Variants in ZMYND8 observed in about 807,000 individuals in gnomAD.
ZMYND8 encodes MYND-type zinc finger-containing chromatin reader ZMYND8.
Under a neutral mutation model 140.8 loss-of-function variants are expected in ZMYND8, and 37 were observed. The observed-to-expected ratio is 0.26, with a 90% CI of 0.20 to 0.35. ZMYND8 has a LOEUF of 0.35. Among genes scored for constraint, ZMYND8 ranks in the 10% least tolerant of loss-of-function variants. The pLI, the probability that ZMYND8 is intolerant of heterozygous loss-of-function variation, is 1.00. For missense variants in ZMYND8, 1,068 were observed against 1,570.0 expected, an observed-to-expected ratio of 0.68 and a Z score of 5.40; for synonymous variants, 592 against 597.1, an observed-to-expected ratio of 0.99 and a Z score of 0.12.
At chr20:47,318,423 C>T (rs1344981993) in intron 2 of ZMYND8, 5 of 333,624 alleles carry the variant, frequency 1.5e-5, no homozygotes, top group East Asian at 8.2e-5. Context: ...GGCCTCCCTT[C>T]CCCAGGAATA....
At chr20:47,269,564 T>C (rs1286053825) in intron 11 of ZMYND8, among the ~76,000 whole-genome samples, 1 of 152,256 alleles carries the variant, frequency 6.6e-6, no homozygotes, top group African/African-American at 2.4e-5. Context: ...GATTTCATAT[T>C]TTGATGTACA....
chr20:47,336,009 A>G (rs2081361536), intron 2 of ZMYND8, among the ~76,000 whole-genome samples: 1 of 152,204 alleles, frequency 6.6e-6, no homozygotes, highest in Non-Finnish European at 1.5e-5. Flanking sequence ...ATACGGTTAA[A>G]AATACTGATG....
chr20:47,284,984 T>C (rs2076831746), intron 8 of ZMYND8, among the ~76,000 whole-genome samples: 1 of 152,114 alleles, frequency 6.6e-6, no homozygotes, highest in African/African-American at 2.4e-5. Flanking sequence ...AGTGACAGAG[T>C]AATCAATATT....
chr20:47,326,464 T>A (rs1277645439), intron 2 of ZMYND8, among the ~76,000 whole-genome samples: 1 of 152,034 alleles, frequency 6.6e-6, no homozygotes, highest in African/African-American at 2.4e-5. Flanking sequence ...AAAATAAAAA[T>A]AAAAGAGGCA....
At chr20:47,251,722 A>C (rs941380778) in intron 12 of ZMYND8, among the ~76,000 whole-genome samples, 2 of 152,152 alleles carry the variant, frequency 1.3e-5, no homozygotes, top group Non-Finnish European at 2.9e-5. Context: ...GGGAACACTA[A>C]AAGAAAAGGG....
At position 47,293,045 on chromosome 20, in the gene ZMYND8, A is replaced by C. The variant is rs972266199; in HGVS notation, c.568-1157T>G. 2.8e-5 allele frequency among the ~76,000 whole-genome samples: 4 copies of C among 142,728 alleles called. No homozygotes were observed. The East Asian group carries it at 7.0e-4, about 25-fold the overall frequency. The allele number at this position is 142,728 out of a possible 152,430, so 93.6% of individuals were successfully genotyped here. A position where few individuals can be genotyped will look rare whatever the true frequency, so the allele number is the denominator to read the frequency against. On this transcript the variant is annotated intron_variant, in intron 5 of 22. Transcript: ENST00000471951. ...GCTCCAGCCTGGGCAACAAAGCAAC[A>C]GTCTGCCTCCAAAAAAAGAAAGGAA...
chr20:47,224,170 T>C (rs2037378645), intron 19 of ZMYND8, 147 bp downstream of exon 19: 1 of 1,345,140 alleles, frequency 7.4e-7, no homozygotes, highest in African/African-American at 1.5e-5. Context: ...CTCACCTGTG[T>C]GTAAGACACA....
intron 21 of ZMYND8, among the ~76,000 whole-genome samples, chr20:47,218,823 C>T (rs1568887278): frequency 6.6e-6 from 1 of 152,162 alleles, no homozygotes; most frequent in African/African-American, 2.4e-5. Flanking sequence ...ATCCAACTTT[C>T]AAGGCCTAGC....
In ZMYND8 at chr20:47,355,886, A is replaced by G. The variant is rs372233876; in HGVS notation, c.14+771T>C. On this transcript the variant is annotated intron_variant, in intron 1 of 22. Coordinates refer to ENST00000471951, the MANE Select transcript of ZMYND8 (RefSeq NM_001281775.3). ...CTCCAAAAAACTTCCTCCAAAGCCTAGAAAACACTTTCAGAAACATTTGCT... is the reference window on the plus strand; with the variant it reads ...CTCCAAAAAACTTCCTCCAAAGCCTGGAAAACACTTTCAGAAACATTTGCT... Among the ~76,000 whole-genome samples, 5 of 147,764 alleles carry G rather than the reference A, an allele frequency of 3.4e-5. No homozygotes were observed. In the South Asian group the frequency reaches 1.1e-3, roughly 31 times the overall value.
chr20:47,222,556 GA>G (rs1239880523), intron 19 of ZMYND8, among the ~76,000 whole-genome samples: 1 of 151,880 alleles, frequency 6.6e-6, no homozygotes, highest in East Asian at 1.9e-4. Flanking sequence ...AAAAGGAAAA[GA>G]AAAACGCGTC....
chr20:47,355,407 C>T, intron 1 of ZMYND8: 5 of 982,246 alleles, frequency 5.1e-6, no homozygotes, highest in South Asian at 9.4e-5. Context: ...GTTCGCAAAA[C>T]TCTTCAAACA....
chr20:47,249,257 TG>T, intron 13 of ZMYND8, 29 bp downstream of exon 13: 1 of 1,603,046 alleles, frequency 6.2e-7, no homozygotes, highest in Non-Finnish European at 8.5e-7. Context: ...ATGATACTGC[TG>T]GAAAAAAAAA....
chr20:47,211,867 G>A (rs560534669), intron 22 of ZMYND8, among the ~76,000 whole-genome samples: 3 of 151,964 alleles, frequency 2.0e-5, no homozygotes, highest in Admixed American at 2.0e-4. Flanking sequence ...CTGGTAAAAA[G>A]GCATGTGTGG....
At chr20:47,324,151 G>A (rs2080199491) in intron 2 of ZMYND8, among the ~76,000 whole-genome samples, 1 of 146,090 alleles carries the variant, frequency 6.8e-6, no homozygotes, top group Admixed American at 7.0e-5. Flanking sequence ...GCCATAAGCC[G>A]AGATCATGCC....
At chr20:47,323,690 T>C (rs1442085783) in intron 2 of ZMYND8, among the ~76,000 whole-genome samples, 1 of 151,930 alleles carries the variant, frequency 6.6e-6, no homozygotes. Flanking sequence ...TCCTTGAAAA[T>C]CAAAGCAGAA....
chr20:47,255,714 GTATGTGTGTATATA>G (rs2074585775), intron 12 of ZMYND8, among the ~76,000 whole-genome samples: 1 of 62,976 alleles, frequency 1.6e-5, no homozygotes, highest in African/African-American at 8.1e-5. Context: ...TATATACCGT[GTATGTGTGTATATA>G]TATATATATA....
intron 12 of ZMYND8, among the ~76,000 whole-genome samples, chr20:47,250,078 C>T (rs894746306): frequency 6.6e-6 from 1 of 152,170 alleles, no homozygotes; most frequent in African/African-American, 2.4e-5. Context: ...GCCCTGGATA[C>T]TCAACCTCTG....
intron 4 of ZMYND8, among the ~76,000 whole-genome samples, chr20:47,296,312 AC>A (rs2077632764): frequency 1.3e-5 from 2 of 152,166 alleles, no homozygotes; most frequent in African/African-American, 4.8e-5. Context: ...CACAAAAAGC[AC>A]CACATATGCA....
intron 16 of ZMYND8, among the ~76,000 whole-genome samples, chr20:47,232,407 CA>C (rs2038625590): frequency 7.0e-6 from 1 of 142,942 alleles, no homozygotes; most frequent in African/African-American, 3.0e-5. Flanking sequence ...AAAGTTTTGC[CA>C]AAAGTGTCAA....
Sources: allele counts gnomAD v4.1 joint callset (sites outside exome capture counted in the v4.1 genomes callset), GRCh38; gene constraint gnomAD v4.1.1; transcripts MANE v1.5; gene names NCBI Gene and HGNC (gene_info 2026-07-23, HGNC 2026-07-21).